Variants in DLGAP2 observed in about 807,000 individuals in gnomAD.
DLGAP2 encodes the protein disks large-associated protein 2.
A neutral mutation model predicts 100.3 loss-of-function variants in DLGAP2; 26 were observed. That is an observed-to-expected ratio of 0.26 (90% CI 0.19 to 0.36). The LOEUF (loss-of-function observed/expected upper bound fraction) is 0.36, where lower values mean the gene tolerates loss of function less well. DLGAP2 is among the 10% of genes least tolerant of loss of function. The probability of loss-of-function intolerance (pLI) is 1.00; values close to 1 mark genes in which losing one functional copy is unlikely to be tolerated. For missense variants in DLGAP2, 1,858 were observed against 1,453.2 expected (o/e 1.28, Z -4.53); for synonymous variants, 886 against 630.1 (o/e 1.41, Z -6.08).
intron 3 of DLGAP2, among the ~76,000 whole-genome samples, chr8:1,484,817 C>A (rs1031282340): frequency 4.6e-5 from 7 of 152,156 alleles, no homozygotes; most frequent in African/African-American, 1.7e-4. Context: ...TCATGTCCTC[C>A]CACCCTGAGT....
intron 2 of DLGAP2, among the ~76,000 whole-genome samples, chr8:994,588 C>T (rs1325463537): frequency 2.0e-5 from 3 of 152,184 alleles, no homozygotes; most frequent in African/African-American, 7.2e-5. Flanking sequence ...AATTCTGCAC[C>T]TGTGCTGCTT....
chr8:905,645 A>G (rs576896604), intron 1 of DLGAP2, among the ~76,000 whole-genome samples: 1 of 152,206 alleles, frequency 6.6e-6, no homozygotes, highest in Non-Finnish European at 1.5e-5. Flanking sequence ...GCCTCCCGTG[A>G]GCACCTCCAG....
chr8:795,973 CGTCCAGTGAGAGCAGCT>C (rs1796024204), intron 1 of DLGAP2, among the ~76,000 whole-genome samples: 1 of 125,606 alleles, frequency 8.0e-6, no homozygotes, highest in Non-Finnish European at 1.7e-5. Context: ...TGAGAGCAGG[CGTCCAGTGAGAGCAGCT>C]GTCCAGTGAG....
intron 2 of DLGAP2, among the ~76,000 whole-genome samples, chr8:1,003,786 C>A (rs1433788658): frequency 6.6e-6 from 1 of 152,178 alleles, no homozygotes; most frequent in African/African-American, 2.4e-5. Flanking sequence ...CCTTGGTCCC[C>A]CCATACCCCA....
intron 4 of DLGAP2, among the ~76,000 whole-genome samples, chr8:1,508,339 CGCAA>C (rs1800013236): frequency 5.8e-5 from 1 of 17,198 alleles, no homozygotes; most frequent in East Asian, 1.1e-3. Context: ...CACCACCCCC[CGCAA>C]ACCCCCGCAA....
intron 1 of DLGAP2, among the ~76,000 whole-genome samples, chr8:824,495 A>G (rs2132691364): frequency 6.6e-6 from 1 of 152,250 alleles, no homozygotes; most frequent in South Asian, 2.1e-4. Flanking sequence ...TATCTGCATG[A>G]CACAGCAGTG....
chr8:1,417,374 C>G (rs1266112465), intron 3 of DLGAP2, among the ~76,000 whole-genome samples: 1 of 152,230 alleles, frequency 6.6e-6, no homozygotes, highest in Admixed American at 6.5e-5. Context: ...GCAGCACTGT[C>G]ACTGCTTTTA....
At chr8:981,014 A>T (rs889944234) in intron 2 of DLGAP2, among the ~76,000 whole-genome samples, 1 of 152,114 alleles carries the variant, frequency 6.6e-6, no homozygotes, top group South Asian at 2.1e-4. Flanking sequence ...CAACATTACC[A>T]TCTATTTCCG....
chr8:1,311,905 A>G (rs1396854918), intron 3 of DLGAP2, among the ~76,000 whole-genome samples: 2 of 152,238 alleles, frequency 1.3e-5, no homozygotes, highest in African/African-American at 4.8e-5. Flanking sequence ...CATAAGGCAA[A>G]GACTGATACA....
intron 5 of DLGAP2, among the ~76,000 whole-genome samples, chr8:1,549,993 ATGT>A (rs962053108): frequency 2.6e-5 from 4 of 152,102 alleles, no homozygotes; most frequent in African/African-American, 7.2e-5. Flanking sequence ...CCTCACTGAA[ATGT>A]TGTCCTTTGA....
chr8:1,691,509 T>G, intron 12 of DLGAP2, 26 bp from the exon 13 acceptor site: 2 of 1,596,920 alleles, frequency 1.3e-6, no homozygotes, highest in African/African-American at 1.4e-5. Context: ...TTGTTGTTTT[T>G]TTGTTTTTGT....
chr8:1,331,874 C>T (rs1470423364), intron 3 of DLGAP2, among the ~76,000 whole-genome samples: 1 of 152,172 alleles, frequency 6.6e-6, no homozygotes, highest in African/African-American at 2.4e-5. Context: ...AGGCCTGCAA[C>T]CTTCCCAGTA....
chr8:958,350 G>A (rs1052123699), intron 2 of DLGAP2, among the ~76,000 whole-genome samples: 8 of 152,076 alleles, frequency 5.3e-5, no homozygotes, highest in African/African-American at 1.9e-4. Flanking sequence ...AGTCAACAGT[G>A]GACACTGGGG....
chr8:1,130,275 G>C (rs1024181779), intron 2 of DLGAP2, among the ~76,000 whole-genome samples: 3 of 152,142 alleles, frequency 2.0e-5, no homozygotes, highest in African/African-American at 4.8e-5. Context: ...GAGATGTTTG[G>C]ATTGATGGGA....
chr8:1,434,639 G>A (rs1797563855), intron 3 of DLGAP2, among the ~76,000 whole-genome samples: 1 of 152,086 alleles, frequency 6.6e-6, no homozygotes, highest in Non-Finnish European at 1.5e-5. Context: ...ACCACACCAG[G>A]CTAATTTTTG....
At chr8:1,344,120 G>T (rs12542655) in intron 3 of DLGAP2, among the ~76,000 whole-genome samples, 33 of 109,664 alleles carry the variant, frequency 3.0e-4, no homozygotes, top group Non-Finnish European at 5.6e-4. Flanking sequence ...TGTATTCGGG[G>T]CCCTGTCGTG....
In DLGAP2 at chr8:1,151,919, T is replaced by C. The variant is rs181431719; in HGVS notation, c.74-106932T>C. On this transcript the variant is annotated intron_variant, in intron 2 of 14. Coordinates refer to ENST00000637795, the MANE Select transcript of DLGAP2 (RefSeq NM_001346810.2). ...CCATAAACAGCGAAGCGTCCTGATATGTAAAGGCTGATTGCTTTTCTGGTT... is the reference window on the plus strand; with the variant it reads ...CCATAAACAGCGAAGCGTCCTGATACGTAAAGGCTGATTGCTTTTCTGGTT... Among the ~76,000 whole-genome samples the C allele has an allele frequency of 2.1e-3, 322 of 152,380 alleles. 1 individual carries two copies. The highest frequency in any genetic ancestry group is 3.0e-3 in the Non-Finnish European group (202 of 68,038).
chr8:1,251,509 T>G (rs1487746527), intron 2 of DLGAP2, among the ~76,000 whole-genome samples: 1 of 152,210 alleles, frequency 6.6e-6, no homozygotes, highest in East Asian at 1.9e-4. Flanking sequence ...GTATTTTGGC[T>G]CACTGCAGCC....
intron 3 of DLGAP2, among the ~76,000 whole-genome samples, chr8:1,454,889 T>G (rs563314830): frequency 6.6e-6 from 1 of 152,246 alleles, no homozygotes; most frequent in Admixed American, 6.5e-5. Context: ...CCTCCCGTCA[T>G]GCAGACAGGA....
Sources: allele counts gnomAD v4.1 joint callset (sites outside exome capture counted in the v4.1 genomes callset), GRCh38; gene constraint gnomAD v4.1.1; transcripts MANE v1.5; gene names NCBI Gene and HGNC (gene_info 2026-07-23, HGNC 2026-07-21).